Variants in GABRB1 observed in about 807,000 individuals in gnomAD.
GABRB1 encodes the protein gamma-aminobutyric acid type A receptor subunit beta1, also known as gamma-aminobutyric acid receptor subunit beta-1.
GABRB1 carries 17 observed loss-of-function variants against 51.6 expected under a neutral mutation model. That is an observed-to-expected ratio of 0.33 (90% CI 0.23 to 0.49). GABRB1 has a LOEUF of 0.49. Ranked by LOEUF, GABRB1 falls within the 20% of genes least tolerant of loss-of-function variation. The pLI is 0.99. For synonymous variants in GABRB1, 247 were observed against 218.9 expected, an observed-to-expected ratio of 1.13 and a Z score of -1.14; for missense variants, 410 against 600.6, an observed-to-expected ratio of 0.68 and a Z score of 3.32.
At chr4:47,080,888 T>C (rs1727814313) in intron 3 of GABRB1, among the ~76,000 whole-genome samples, 2 of 152,186 alleles carry the variant, frequency 1.3e-5, no homozygotes, top group Admixed American at 1.3e-4. Context: ...CAAATGGGCT[T>C]TGCTTGGATT....
At chr4:47,045,864 T>G (rs146060740) in intron 3 of GABRB1, among the ~76,000 whole-genome samples, 9 of 152,064 alleles carry the variant, frequency 5.9e-5, no homozygotes, top group Admixed American at 5.9e-4. Flanking sequence ...ATCCTATTTA[T>G]TCAACATTTA....
chr4:47,157,143 CAAAG>C (rs2109729980), intron 3 of GABRB1, among the ~76,000 whole-genome samples: 1 of 152,036 alleles, frequency 6.6e-6, no homozygotes, highest in African/African-American at 2.4e-5. Context: ...ACCTCGGTGT[CAAAG>C]AATTCCCTAT....
intron 4 of GABRB1, among the ~76,000 whole-genome samples, chr4:47,312,375 A>G (rs1724723504): frequency 6.6e-6 from 1 of 151,776 alleles, no homozygotes; most frequent in Non-Finnish European, 1.5e-5. Context: ...AGATAATGCA[A>G]ATTCTTTTCA....
At chr4:47,054,056 A>T (rs10011471) in intron 3 of GABRB1, among the ~76,000 whole-genome samples, 4,864 of 146,978 alleles carry the variant, frequency 0.033, 182 homozygotes, top group African/African-American at 0.097. Context: ...TGACTTTTTT[A>T]AAAAAAAAAA....
At chr4:47,154,479 G>T (rs1178717565) in intron 3 of GABRB1, among the ~76,000 whole-genome samples, 5 of 151,892 alleles carry the variant, frequency 3.3e-5, no homozygotes, top group Admixed American at 6.6e-5. Flanking sequence ...AACATCTCTA[G>T]GTCTAAGATT....
intron 5 of GABRB1, among the ~76,000 whole-genome samples, chr4:47,368,503 A>T (rs1727071934): frequency 6.6e-6 from 1 of 152,154 alleles, no homozygotes; most frequent in Non-Finnish European, 1.5e-5. Flanking sequence ...CATGCACAGG[A>T]TAGCTCCTCA....
chr4:47,293,990 A>T (rs1350088663), intron 4 of GABRB1, among the ~76,000 whole-genome samples: 4 of 152,262 alleles, frequency 2.6e-5, no homozygotes. Context: ...AAATAAACAC[A>T]TTCATTAACA....
chr4:47,261,947 A>T (rs1722456803), intron 4 of GABRB1, among the ~76,000 whole-genome samples: 2 of 152,014 alleles, frequency 1.3e-5, no homozygotes, highest in East Asian at 1.9e-4. Flanking sequence ...TGGGGAAAGG[A>T]TTCCCTATTT....
intron 2 of GABRB1, 69 bp from the exon 3 acceptor site, chr4:47,032,348 C>T: frequency 1.5e-6 from 2 of 1,347,454 alleles, no homozygotes; most frequent in South Asian, 1.3e-5. Context: ...GGCTGGGAAG[C>T]CCCCAGACCC....
intron 8 of GABRB1, among the ~76,000 whole-genome samples, chr4:47,415,429 C>T (rs183978151): frequency 1.3e-5 from 2 of 151,926 alleles, no homozygotes; most frequent in African/African-American, 2.4e-5. Context: ...AGCTCTTTGA[C>T]CCTAGCACAA....
At position 47,156,079 on chromosome 4, in the gene GABRB1, C is replaced by CT. The variant is rs375743152; in HGVS notation, c.241-5170_241-5169insT. Among the ~76,000 whole-genome samples, 62 of 151,544 alleles carry CT rather than the reference C, an allele frequency of 4.1e-4. 1 individual carries two copies. Among genetic ancestry groups the CT allele is most frequent in the African/African-American group, 1.5e-3 (62 of 41,388 alleles). Reference sequence around the variant, plus strand: ...TGATATATTGTTTCATTTCTTTTGGCATGTACCCAGCAGTGGAATTGCTAG... The same window carrying CT: ...TGATATATTGTTTCATTTCTTTTGGCTATGTACCCAGCAGTGGAATTGCTAG... On this transcript the variant is annotated intron_variant, in intron 3 of 8. Coordinates refer to ENST00000295454, the MANE Select transcript of GABRB1 (RefSeq NM_000812.4).
At position 47,032,446 on chromosome 4, in the gene GABRB1, G is replaced by A. The variant is rs1199561129; in HGVS notation, c.202G>A (p.Asp68Asn). The A allele has an allele frequency of 3.7e-6, 6 of 1,602,950 alleles. No homozygotes were observed. The East Asian group carries it at 1.3e-4, about 36-fold the overall frequency. Residue 68 changes from aspartate (D) to asparagine (N), a missense_variant, in exon 3 of 9, where the codon GAT (aspartate) becomes AAT (asparagine). By Grantham distance (23) the Asp-to-Asn change is conservative (BLOSUM62 1). This residue lies in a region of GABRB1 where 100 missense variants were observed against 184.3 expected (regional missense o/e 0.54). Coordinates refer to ENST00000295454, the MANE Select transcript of GABRB1 (RefSeq NM_000812.4). ...GPPVDVGMRIDVASIDMVSEV... is the reference protein window; with the variant it reads ...GPPVDVGMRINVASIDMVSEV... ...CCCCGTCGACGTTGGGATGCGGATC[G>A]ATGTCGCCAGCATAGACATGGTCTC...
At chr4:47,056,006 A>G (rs1362699186) in intron 3 of GABRB1, among the ~76,000 whole-genome samples, 1 of 152,204 alleles carries the variant, frequency 6.6e-6, no homozygotes. Context: ...ACCAAGGTTA[A>G]ATCATCCATG....
chr4:47,199,161 G>A (rs1006095152), intron 4 of GABRB1, among the ~76,000 whole-genome samples: 1 of 152,162 alleles, frequency 6.6e-6, no homozygotes, highest in Non-Finnish European at 1.5e-5. Flanking sequence ...TGAGAAGATA[G>A]AGATAATTGG....
chr4:47,347,812 A>T (rs1180824179), intron 5 of GABRB1, among the ~76,000 whole-genome samples: 1 of 152,216 alleles, frequency 6.6e-6, no homozygotes, highest in African/African-American at 2.4e-5. Context: ...GACTGTGATA[A>T]TAATGACAAT....
chr4:47,195,094 C>G (rs1342542412), intron 4 of GABRB1, among the ~76,000 whole-genome samples: 2 of 152,076 alleles, frequency 1.3e-5, no homozygotes, highest in Non-Finnish European at 2.9e-5. Flanking sequence ...GGGCCGGGCC[C>G]GGTGGCTCAT....
chr4:47,032,543 T>C, intron 3 of GABRB1, 59 bp downstream of exon 3: 1 of 1,516,474 alleles, frequency 6.6e-7, no homozygotes. Flanking sequence ...AATGGACAGG[T>C]CCCTTTGCCC....
chr4:47,123,898 A>C (rs28555506), intron 3 of GABRB1, among the ~76,000 whole-genome samples: 2 of 55,020 alleles, frequency 3.6e-5, no homozygotes, highest in Non-Finnish European at 9.0e-5. Flanking sequence ...TATAATATAT[A>C]ATATATTATA....
chr4:47,074,522 C>T (rs1727470770), intron 3 of GABRB1, among the ~76,000 whole-genome samples: 1 of 152,140 alleles, frequency 6.6e-6, no homozygotes, highest in East Asian at 1.9e-4. Context: ...ACATTTCTTA[C>T]ATAATTCTTA....
Sources: gnomAD v4.1 joint callset for allele counts (sites outside exome capture counted in the v4.1 genomes callset) on GRCh38, gnomAD v4.1.1 for gene constraint, gnomAD v4.1.1 regional missense constraint, MANE v1.5 for transcripts, NCBI Gene and HGNC (gene_info 2026-07-23, HGNC 2026-07-21) for gene names.